The following RBFOX1 variants were observed in gnomAD, a reference collection of about 807,000 sequenced individuals.
RBFOX1 encodes RNA binding protein fox-1 homolog 1.
A neutral mutation model predicts 57.7 loss-of-function variants in RBFOX1; 8 were observed. The ratio of observed to expected loss-of-function variants is 0.14; its 90% CI spans 0.08 to 0.25. The LOEUF (loss-of-function observed/expected upper bound fraction) is 0.25, where lower values mean the gene tolerates loss of function less well. RBFOX1 is among the 10% of genes least tolerant of loss of function. The probability of loss-of-function intolerance (pLI) is 1.00; values close to 1 mark genes in which losing one functional copy is unlikely to be tolerated. For missense variants in RBFOX1, 611 were observed against 548.5 expected (o/e 1.11, Z -1.14); for synonymous variants, 326 against 222.4 (o/e 1.47, Z -4.15).
At chr16:7,003,065 A>T (rs1032243596) in intron 3 of RBFOX1, among the ~76,000 whole-genome samples, 1 of 151,502 alleles carries the variant, frequency 6.6e-6, no homozygotes, top group Non-Finnish European at 1.5e-5. Context: ...TCCCAAAGAG[A>T]GGTTATACAA....
At chr16:7,454,830 C>G (rs1161319699) in intron 4 of RBFOX1, among the ~76,000 whole-genome samples, 1 of 152,196 alleles carries the variant, frequency 6.6e-6, no homozygotes, top group African/African-American at 2.4e-5. Context: ...GGGAAGTCCT[C>G]AGGACAAGGA....
At chr16:7,043,454 A>G (rs1429909336) in intron 3 of RBFOX1, among the ~76,000 whole-genome samples, 1 of 152,218 alleles carries the variant, frequency 6.6e-6, no homozygotes, top group African/African-American at 2.4e-5. Context: ...AAATGCATCA[A>G]GGAAAACGCA....
chr16:5,867,477 G>A (rs1425217664), intron 4 of RBFOX1: 1 of 554,516 alleles, frequency 1.8e-6, no homozygotes, highest in Non-Finnish European at 2.7e-6. Context: ...CAGTTGAGTG[G>A]TTTCTGTGCT....
At chr16:6,879,930 C>T (rs1303429161) in intron 3 of RBFOX1, among the ~76,000 whole-genome samples, 1 of 152,146 alleles carries the variant, frequency 6.6e-6, no homozygotes, top group South Asian at 2.1e-4. Flanking sequence ...TTTAAATTTT[C>T]ATTGCATCAT....
At chr16:7,646,930 G>C (rs1174110322) in intron 11 of RBFOX1, among the ~76,000 whole-genome samples, 1 of 152,156 alleles carries the variant, frequency 6.6e-6, no homozygotes, top group Non-Finnish European at 1.5e-5. Context: ...AGGGCTCATT[G>C]GAGGTGGGAG....
intron 1 of RBFOX1, among the ~76,000 whole-genome samples, chr16:6,075,512 A>T (rs1215345281): frequency 3.9e-5 from 6 of 152,222 alleles, no homozygotes; most frequent in African/African-American, 1.4e-4. Flanking sequence ...CCTTATAATA[A>T]TAGAACACAA....
intron 4 of RBFOX1, among the ~76,000 whole-genome samples, chr16:7,264,271 A>G (rs189456317): frequency 6.6e-6 from 1 of 152,316 alleles, no homozygotes; most frequent in Non-Finnish European, 1.5e-5. Context: ...AAAAAACAAA[A>G]TTGGTAAACT....
At chr16:5,417,329 G>A (rs1460233019) in intron 1 of RBFOX1, among the ~76,000 whole-genome samples, 1 of 152,178 alleles carries the variant, frequency 6.6e-6, no homozygotes, top group African/African-American at 2.4e-5. Flanking sequence ...AACAGGCTAG[G>A]GAGAAATTAT....
intron 7 of RBFOX1, among the ~76,000 whole-genome samples, chr16:7,595,279 C>T (rs1025665458): frequency 6.6e-6 from 1 of 151,736 alleles, no homozygotes; most frequent in Non-Finnish European, 1.5e-5. Context: ...GATTTATTTT[C>T]TTCTGTAGTG....
intron 1 of RBFOX1, among the ~76,000 whole-genome samples, chr16:5,384,171 G>T (rs2066200279): frequency 6.6e-6 from 1 of 152,222 alleles, no homozygotes; most frequent in Admixed American, 6.5e-5. Flanking sequence ...CTGCAGCCAA[G>T]GGTGGTGCAT....
intron 3 of RBFOX1, among the ~76,000 whole-genome samples, chr16:6,997,789 T>G (rs1382941128): frequency 2.0e-5 from 3 of 152,174 alleles, no homozygotes; most frequent in African/African-American, 4.8e-5. Context: ...ATTCCCTGTT[T>G]CTCTGAGGTA....
chr16:5,871,627 C>T (rs1420493835), intron 4 of RBFOX1, among the ~76,000 whole-genome samples: 1 of 152,154 alleles, frequency 6.6e-6, no homozygotes, highest in Non-Finnish European at 1.5e-5. Context: ...TCTGAGTCCT[C>T]TCCACCACCA....
chr16:6,277,881 G>A (rs372568026), intron 1 of RBFOX1, among the ~76,000 whole-genome samples: 13 of 152,024 alleles, frequency 8.6e-5, no homozygotes, highest in African/African-American at 3.1e-4. Flanking sequence ...TCATGATTCT[G>A]TAAAGCCCTT....
chr16:7,412,168 T>C (rs1022383007), intron 4 of RBFOX1, among the ~76,000 whole-genome samples: 11 of 152,130 alleles, frequency 7.2e-5, no homozygotes, highest in Admixed American at 2.6e-4. Context: ...ACACCGTCGC[T>C]CACGGCTGTA....
At chr16:5,375,478 G>C (rs1453288879) in intron 1 of RBFOX1, among the ~76,000 whole-genome samples, 1 of 152,200 alleles carries the variant, frequency 6.6e-6, no homozygotes, top group East Asian at 1.9e-4. Context: ...ACGGTGATAA[G>C]TCGGGTGTTC....
At chr16:5,738,234 G>C (rs72765193) in intron 3 of RBFOX1, among the ~76,000 whole-genome samples, 6,240 of 152,202 alleles carry the variant, frequency 0.041, 192 homozygotes, top group Middle Eastern at 0.065. Context: ...CAGAGAATGT[G>C]TAATGATCAA....
At chr16:5,687,413 T>G (rs2050538194) in intron 3 of RBFOX1, among the ~76,000 whole-genome samples, 1 of 152,114 alleles carries the variant, frequency 6.6e-6, no homozygotes, top group Non-Finnish European at 1.5e-5. Flanking sequence ...TTTAGCTTCC[T>G]CCTCTGTAAA....
intron 2 of RBFOX1, among the ~76,000 whole-genome samples, chr16:6,509,495 C>G (rs773164381): frequency 4.2e-4 from 64 of 152,018 alleles, no homozygotes; most frequent in Non-Finnish European, 8.2e-4. Flanking sequence ...AATAATTGAA[C>G]TCATGGAGAC....
At chr16:6,512,065 G>GT (rs2096265855) in intron 2 of RBFOX1, among the ~76,000 whole-genome samples, 1 of 151,572 alleles carries the variant, frequency 6.6e-6, no homozygotes, top group Non-Finnish European at 1.5e-5. Flanking sequence ...GAGCCCAGGA[G>GT]TTCAAGACCA....
Sources: allele counts gnomAD v4.1 joint callset (sites outside exome capture counted in the v4.1 genomes callset), GRCh38; gene constraint gnomAD v4.1.1; transcripts MANE v1.5; gene names NCBI Gene and HGNC (gene_info 2026-07-23, HGNC 2026-07-21).